GLP1R: variants seen among roughly 807,000 people sequenced by gnomAD.
GLP1R encodes glucagon like peptide 1 receptor.
GLP1R carries 32 observed loss-of-function variants against 68.4 expected under a neutral mutation model. The ratio of observed to expected loss-of-function variants is 0.47; its 90% CI spans 0.35 to 0.63. The LOEUF is 0.63. GLP1R is among the 20% of genes least tolerant of loss of function. The pLI, the probability that GLP1R is intolerant of heterozygous loss-of-function variation, is 0.00. For synonymous variants in GLP1R, 263 were observed against 244.4 expected (o/e 1.08, Z -0.71); for missense variants, 502 against 594.9 (o/e 0.84, Z 1.62).
intron 3 of GLP1R, 104 bp downstream of exon 3, chr6:39,057,683 G>T (rs563077088): frequency 1.8e-3 from 1,020 of 569,436 alleles, no homozygotes; most frequent in Non-Finnish European, 2.5e-3. Flanking sequence ...CCCCCTCCCC[G>T]ACCTGATACC....
In GLP1R at chr6:39,089,541, T is replaced by A. The variant is rs1004612900; in HGVS notation, c.*3468T>A. Among the ~76,000 whole-genome samples, 1 of 152,224 alleles carries A rather than the reference T, an allele frequency of 6.6e-6. No homozygotes were observed. The highest frequency in any genetic ancestry group is 2.4e-5 in the African/African-American group (1 of 41,456). On this transcript the variant is annotated 3_prime_UTR_variant, in exon 13 of 13. Transcript: ENST00000373256. This position sits in a 1 kb window ranked among gnomAD's most constrained non-coding sequence, Gnocchi z 4.1. ...GGTTGGCTGTGTACTATCCAGCAGC[T>A]CACAGTCAGGAGACCTCCCCTCCTC...
intron 3 of GLP1R, among the ~76,000 whole-genome samples, chr6:39,063,958 C>T (rs1768427309): frequency 7.7e-6 from 1 of 129,338 alleles, no homozygotes; most frequent in Non-Finnish European, 1.6e-5. Context: ...CACACACACA[C>T]ACACCCCACA....
At chr6:39,068,647 C>T (rs1035918270) in intron 5 of GLP1R, among the ~76,000 whole-genome samples, 3 of 152,218 alleles carry the variant, frequency 2.0e-5, no homozygotes, top group Admixed American at 6.5e-5. Context: ...TTTACTGCTA[C>T]GTCCTCCAGA....
intron 7 of GLP1R, among the ~76,000 whole-genome samples, chr6:39,076,657 G>A (rs1218143656): frequency 6.6e-6 from 1 of 152,146 alleles, no homozygotes; most frequent in Non-Finnish European, 1.5e-5. Flanking sequence ...AAAGTCATAC[G>A]TGCACACTCA....
chr6:39,068,693 C>T (rs969240029), intron 5 of GLP1R, among the ~76,000 whole-genome samples: 4 of 152,154 alleles, frequency 2.6e-5, no homozygotes, highest in Non-Finnish European at 5.9e-5. Context: ...CCACTTGAGC[C>T]GCAGCTAGGG....
chr6:39,067,306 A>G (rs539374635), intron 5 of GLP1R, among the ~76,000 whole-genome samples: 1 of 152,372 alleles, frequency 6.6e-6, no homozygotes, highest in South Asian at 2.1e-4. Flanking sequence ...TCCTGCTGCT[A>G]TAGCAAAATA....
At chr6:39,077,247 C>A (rs1768855656) in intron 7 of GLP1R, among the ~76,000 whole-genome samples, 3 of 152,230 alleles carry the variant, frequency 2.0e-5, no homozygotes. Context: ...ATCCCCCACC[C>A]CCTGCTGTCC....
At chr6:39,075,182 G>T (rs968673924) in intron 7 of GLP1R, among the ~76,000 whole-genome samples, 2 of 152,202 alleles carry the variant, frequency 1.3e-5, no homozygotes, top group African/African-American at 4.8e-5. Flanking sequence ...GGGCAGGTAG[G>T]CCTGGCTCCT....
Position 39,063,227 on chromosome 6 carries a change from A to G in GLP1R, c.284-2484A>G, listed in dbSNP as rs970856910. ...ATCTCATTCCGCATGGAGTCAGCTC[A>G]GGTCCCCATCACTGCTTTTGGGGGT... On this transcript the variant is annotated intron_variant, in intron 3 of 12. Transcript: ENST00000373256. 1.3e-4 allele frequency among the ~76,000 whole-genome samples: 20 copies of G among 152,312 alleles called. 1 individual carries two copies. Among genetic ancestry groups the G allele is most frequent in the Admixed American group, 9.8e-4 (15 of 15,302 alleles).
rs1769230432 is a variant in GLP1R, at chr6:39,089,422, G to A, written c.*3349G>A. Among the ~76,000 whole-genome samples, 1 of 152,118 alleles carries A rather than the reference G, an allele frequency of 6.6e-6. No homozygotes were observed. The highest frequency in any genetic ancestry group is 1.5e-5 in the Non-Finnish European group (1 of 68,036). ...TGAATTTGGAGACAGCTAGCAAACG[G>A]CAACTGTAGCCTAGCAAAGATGGCA... is the stretch of plus-strand genomic sequence containing the variant. On this transcript the variant is annotated 3_prime_UTR_variant, in exon 13 of 13. Transcript: ENST00000373256. This position sits in a 1 kb window ranked among gnomAD's most constrained non-coding sequence, Gnocchi z 4.1.
intron 7 of GLP1R, 39 bp from the exon 8 acceptor site, chr6:39,078,283 G>T (rs765740027): frequency 6.7e-7 from 1 of 1,501,144 alleles, no homozygotes; most frequent in African/African-American, 1.4e-5. Context: ...GCTCTGGCCT[G>T]CCAGCCCCTC....
chr6:39,075,826 C>T (rs1335150365), intron 7 of GLP1R, among the ~76,000 whole-genome samples: 1 of 152,216 alleles, frequency 6.6e-6, no homozygotes, highest in Non-Finnish European at 1.5e-5. Context: ...CTGCTGCAGT[C>T]CCCAGGCAGT....
At chr6:39,074,538 C>T (rs1768763489) in intron 7 of GLP1R, among the ~76,000 whole-genome samples, 1 of 152,068 alleles carries the variant, frequency 6.6e-6, no homozygotes, top group Admixed American at 6.5e-5. Flanking sequence ...TCTGTCCTCC[C>T]TAATCTGCCA....
chr6:39,064,883 G>A (rs1040131746), intron 3 of GLP1R, among the ~76,000 whole-genome samples: 10 of 152,184 alleles, frequency 6.6e-5, no homozygotes, highest in African/African-American at 1.9e-4. Context: ...CTGAAGACAG[G>A]GACGGTGCCA....
At position 39,079,552 on chromosome 6, in the gene GLP1R, C is replaced by G; in HGVS notation, c.1044-12C>G. The G allele has an allele frequency of 6.3e-7, 1 of 1,582,814 alleles. No individual in the cohort carries two copies. Among genetic ancestry groups the G allele is most frequent in the Non-Finnish European group, 8.6e-7 (1 of 1,166,954 alleles). On this transcript the variant is annotated splice_polypyrimidine_tract_variant and intron_variant, in intron 10 of 12. Coordinates refer to ENST00000373256, the MANE Select transcript of GLP1R (RefSeq NM_002062.5). This position sits in a 1 kb window ranked among gnomAD's most constrained non-coding sequence, Gnocchi z 4.5. ...GTCCAGAATGACTCGAGATCTCTGC[C>G]CTGCCCCTCAGACTTGCCAAGTCCA...
Position 39,072,976 on chromosome 6 carries a change from C to T in GLP1R, c.624C>T (p.Ala208=), listed in dbSNP as rs533070567. The T allele has an allele frequency of 6.8e-6, 11 of 1,614,000 alleles. No individual in the cohort carries two copies. The highest frequency in any genetic ancestry group is 3.3e-5 in the Admixed American group (2 of 60,004). The part of the protein sequence containing the change: ...DAALKWMYST[A]AQQHQWDGLL... ...CCCTGAAGTGGATGTATAGCACAGCCGCCCAGCAGCACCAGTGGGATGGGC... is the reference window on the plus strand; with the variant it reads ...CCCTGAAGTGGATGTATAGCACAGCTGCCCAGCAGCACCAGTGGGATGGGC... The change falls in exon 6 of 13, where the codon GCC becomes GCT. Residue 208 remains alanine (A), a synonymous_variant. Transcript: ENST00000373256.
At chr6:39,053,385 G>A (rs939349077) in intron 1 of GLP1R, among the ~76,000 whole-genome samples, 3 of 152,176 alleles carry the variant, frequency 2.0e-5, no homozygotes, top group Non-Finnish European at 4.4e-5. Flanking sequence ...GGTTACTGCT[G>A]GAAGATCTCA....
At chr6:39,065,928 T>A in intron 4 of GLP1R, 99 bp downstream of exon 4, 1 of 729,450 alleles carries the variant, frequency 1.4e-6, no homozygotes, top group Non-Finnish European at 2.4e-6. Flanking sequence ...GCATCTGTGG[T>A]CATTTCATCC....
chr6:39,076,809 G>A (rs1768842304), intron 7 of GLP1R, among the ~76,000 whole-genome samples: 1 of 152,178 alleles, frequency 6.6e-6, no homozygotes, highest in South Asian at 2.1e-4. Context: ...AGGCCATTGA[G>A]GGCGGTGGGA....
Sources: allele counts gnomAD v4.1 joint callset (sites outside exome capture counted in the v4.1 genomes callset), GRCh38; gene constraint gnomAD v4.1.1; non-coding constraint Gnocchi (gnomAD v3.1); transcripts MANE v1.5; gene names NCBI Gene and HGNC (gene_info 2026-07-23, HGNC 2026-07-21).